HEATR3: variants seen among roughly 807,000 people sequenced by gnomAD.
The protein encoded by HEATR3 is HEAT repeat containing 3.
HEATR3 carries 56 observed loss-of-function variants against 72.8 expected under a neutral mutation model. That is an observed-to-expected ratio of 0.77 (90% CI 0.62 to 0.96). The LOEUF (loss-of-function observed/expected upper bound fraction) is 0.96. HEATR3 is among the 40% of genes least tolerant of loss of function. The pLI is 0.00. For synonymous variants in HEATR3, 331 were observed against 318.1 expected (o/e 1.04, Z -0.43); for missense variants, 747 against 831.4 (o/e 0.90, Z 1.25).
chr16:50,066,362 C>T lies in HEATR3; in HGVS notation c.139-5C>T. The T allele has an allele frequency of 1.3e-6, 2 of 1,554,418 alleles. No individual in the cohort carries two copies. ...CCTTCTGACCCTTTTCGCTCTCATC[C>T]GCAGCTCCAGCACCCGAGCGCCGAG... is the stretch of plus-strand genomic sequence containing the variant. On this transcript the variant is annotated splice_polypyrimidine_tract_variant and splice_region_variant and intron_variant, in intron 1 of 14. Coordinates refer to ENST00000299192, the MANE Select transcript of HEATR3 (RefSeq NM_182922.4).
chr16:50,099,719 C>T (rs1272843780), intron 12 of HEATR3, among the ~76,000 whole-genome samples: 2 of 152,202 alleles, frequency 1.3e-5, no homozygotes, highest in African/African-American at 2.4e-5. Context: ...GCTGAGATTG[C>T]AGGCGTGAGC....
chr16:50,067,162 T>C (rs2036515964), intron 2 of HEATR3, among the ~76,000 whole-genome samples: 1 of 152,024 alleles, frequency 6.6e-6, no homozygotes, highest in Non-Finnish European at 1.5e-5. Flanking sequence ...AAGGCCAACC[T>C]GGGCAACATA....
At chr16:50,078,230 C>T (rs2036784270) in intron 6 of HEATR3, among the ~76,000 whole-genome samples, 1 of 152,012 alleles carries the variant, frequency 6.6e-6, no homozygotes, top group Non-Finnish European at 1.5e-5. Context: ...GGTTTATAGT[C>T]AGGAGGTGTT....
chr16:50,078,305 T>C (rs2036786067), intron 6 of HEATR3, among the ~76,000 whole-genome samples: 1 of 152,246 alleles, frequency 6.6e-6, no homozygotes, highest in African/African-American at 2.4e-5. Flanking sequence ...CTGTTCTTTT[T>C]TGATAATCAA....
chr16:50,080,976 C>T (rs900729369), intron 7 of HEATR3, among the ~76,000 whole-genome samples: 1 of 152,172 alleles, frequency 6.6e-6, no homozygotes, highest in African/African-American at 2.4e-5. Flanking sequence ...CAAGGACCTT[C>T]TACAGGGAGT....
At chr16:50,082,216 G>T (rs1412757239) in intron 7 of HEATR3, among the ~76,000 whole-genome samples, 1 of 152,090 alleles carries the variant, frequency 6.6e-6, no homozygotes, top group Non-Finnish European at 1.5e-5. Flanking sequence ...GGTGGTGCAT[G>T]CCTGTAGTTC....
In HEATR3 at chr16:50,105,135, GTA is replaced by G. The variant is rs1358615851; in HGVS notation, c.*78_*79del. The G allele has an allele frequency of 2.4e-5, 35 of 1,465,884 alleles. No individual in the cohort carries two copies. The African/African-American group carries it at 3.7e-4, about 15-fold the overall frequency. 90.8% of individuals were successfully genotyped at this position (1,465,884 alleles called of 1,614,324 possible). A position where few individuals can be genotyped will look rare whatever the true frequency, so the allele number is the denominator to read the frequency against. On this transcript the variant is annotated 3_prime_UTR_variant, in exon 15 of 15. Coordinates refer to ENST00000299192, the MANE Select transcript of HEATR3 (RefSeq NM_182922.4). ...GAATACTAAAAGGTTTTCTTTGAAT[GTA>G]TATGTTTCTGAAAGTCATTTTTTAA...
chr16:50,070,109 C>G, intron 3 of HEATR3, 69 bp from the exon 4 acceptor site: 1 of 689,416 alleles, frequency 1.5e-6, no homozygotes, highest in Non-Finnish European at 2.4e-6. Context: ...TGTGTTTCAT[C>G]ACCATCATTA....
At position 50,066,557 on chromosome 16, in the gene HEATR3, C is replaced by T. The variant is rs762932773; in HGVS notation, c.311+18C>T. ...GCGCTGAGGTGAGCCAGGAAGGGTG[C>T]GGGGCGGTGCCCACCGCTGGCCTCC... is the stretch of plus-strand genomic sequence containing the variant. On this transcript the variant is annotated intron_variant, in intron 2 of 14. Transcript: ENST00000299192. 7.8e-7 allele frequency: 1 copy of T among 1,281,438 alleles called. No homozygotes were observed. Among genetic ancestry groups the T allele is most frequent in the Non-Finnish European group, 9.8e-7 (1 of 1,017,508 alleles). The allele number at this position is 1,281,438 out of a possible 1,614,324, so 79.4% of individuals were successfully genotyped here. A position where few individuals can be genotyped will look rare whatever the true frequency, so the allele number is the denominator to read the frequency against.
chr16:50,084,766 A>C (rs1363450220), intron 10 of HEATR3, 115 bp downstream of exon 10: 18 of 688,666 alleles, frequency 2.6e-5, no homozygotes, highest in Non-Finnish European at 3.4e-5. Context: ...GTTCCTGGGT[A>C]TATATACCAG....
At chr16:50,066,582 CCCCG>C (rs962279443) in intron 2 of HEATR3, 43 bp downstream of exon 2, 37 of 1,265,288 alleles carry the variant, frequency 2.9e-5, no homozygotes, top group Non-Finnish European at 3.2e-5. Flanking sequence ...CGCTGGCCTC[CCCCG>C]CGTCTGGGCT....
intron 9 of HEATR3, 28 bp downstream of exon 9, chr16:50,084,319 G>A (rs769613898): frequency 1.5e-5 from 24 of 1,604,026 alleles, no homozygotes; most frequent in East Asian, 2.2e-5. Flanking sequence ...TAGGCTTACC[G>A]TGGAGCATGG....
At chr16:50,075,538 T>A (rs1424534869) in intron 5 of HEATR3, 33 bp from the exon 6 acceptor site, 1 of 1,585,284 alleles carries the variant, frequency 6.3e-7, no homozygotes, top group East Asian at 2.2e-5. Context: ...GCAGAATTCA[T>A]TTGTTTCTAA....
At position 50,072,589 on chromosome 16, in the gene HEATR3, T is replaced by TC. The variant is rs776049881; in HGVS notation, c.513-11dup. The TC allele has an allele frequency of 5.3e-6, 8 of 1,519,172 alleles. No individual in the cohort carries two copies. In the Middle Eastern group the frequency reaches 7.5e-4, roughly 142 times the overall value. 94.1% of individuals were successfully genotyped at this position (1,519,172 alleles called of 1,614,324 possible). On this transcript the variant is annotated splice_polypyrimidine_tract_variant and intron_variant, in intron 4 of 14. Transcript: ENST00000299192. Reference sequence around the variant, plus strand: ...AAATGTGAATAGTAAAACTTTTTTTTCCCCCTTCAATTTAGTGAATGCAGT... The same window carrying TC: ...AAATGTGAATAGTAAAACTTTTTTTTCCCCCCTTCAATTTAGTGAATGCAGT...
chr16:50,068,914 CTT>C, intron 3 of HEATR3, 47 bp downstream of exon 3: 1 of 1,410,024 alleles, frequency 7.1e-7, no homozygotes, highest in South Asian at 1.2e-5. Flanking sequence ...GGGATGCAAA[CTT>C]AGACTTTTTT....
chr16:50,086,385 C>T (rs759172059), intron 11 of HEATR3, 34 bp downstream of exon 11: 28 of 1,583,764 alleles, frequency 1.8e-5, no homozygotes, highest in East Asian at 6.7e-5. Context: ...ACTACGCAGA[C>T]GGAACAGAAT....
intron 11 of HEATR3, among the ~76,000 whole-genome samples, chr16:50,092,494 T>C (rs2037140208): frequency 7.2e-6 from 1 of 138,856 alleles, no homozygotes; most frequent in Non-Finnish European, 1.5e-5. Flanking sequence ...TGGAGTGCAG[T>C]GGCGCGATCT....
At chr16:50,080,602 G>T (rs967590961) in intron 7 of HEATR3, among the ~76,000 whole-genome samples, 1 of 152,146 alleles carries the variant, frequency 6.6e-6, no homozygotes, top group Admixed American at 6.5e-5. Context: ...GCCTCCCAAA[G>T]TGCTGGGATT....
chr16:50,085,417 G>A (rs1301298671), intron 10 of HEATR3, among the ~76,000 whole-genome samples: 1 of 152,146 alleles, frequency 6.6e-6, no homozygotes, highest in Non-Finnish European at 1.5e-5. Context: ...CTTGAGGCCA[G>A]GAGTTTGAAA....
Sources: allele counts gnomAD v4.1 joint callset (sites outside exome capture counted in the v4.1 genomes callset), GRCh38; gene constraint gnomAD v4.1.1; transcripts MANE v1.5; gene names NCBI Gene and HGNC (gene_info 2026-07-23, HGNC 2026-07-21).